AKT3: variants seen among roughly 807,000 people sequenced by gnomAD.
AKT3 encodes RAC-gamma serine/threonine-protein kinase.
A neutral mutation model predicts 65.3 loss-of-function variants in AKT3; 15 were observed. The ratio of observed to expected loss-of-function variants is 0.23; its 90% CI spans 0.15 to 0.35. The LOEUF is 0.35. Among genes scored for constraint, AKT3 ranks in the 10% least tolerant of loss-of-function variants. The probability of loss-of-function intolerance (pLI) is 1.00; values close to 1 mark genes in which losing one functional copy is unlikely to be tolerated. For missense variants in AKT3, 243 were observed against 576.5 expected (o/e 0.42, Z 5.92); for synonymous variants, 206 against 183.8 (o/e 1.12, Z -0.98).
intron 12 of AKT3, among the ~76,000 whole-genome samples, chr1:243,513,427 T>C (rs781660656): frequency 4.6e-5 from 7 of 152,220 alleles, no homozygotes; most frequent in South Asian, 2.1e-4. Flanking sequence ...GAAATCAGCA[T>C]GTTTTATAAA....
intron 5 of AKT3, among the ~76,000 whole-genome samples, chr1:243,642,429 C>G (rs1028441391): frequency 2.0e-5 from 3 of 152,244 alleles, no homozygotes; most frequent in Admixed American, 6.5e-5. Flanking sequence ...CCTGCCTCAG[C>G]CTCCCGAGTA....
At chr1:243,679,991 T>G (rs1683804489) in intron 3 of AKT3, among the ~76,000 whole-genome samples, 1 of 152,152 alleles carries the variant, frequency 6.6e-6, no homozygotes, top group Non-Finnish European at 1.5e-5. Flanking sequence ...GATTATTACA[T>G]GTTTATTTTT....
intron 3 of AKT3, among the ~76,000 whole-genome samples, chr1:243,667,922 T>C (rs1682910112): frequency 6.6e-6 from 1 of 152,092 alleles, no homozygotes; most frequent in Non-Finnish European, 1.5e-5. Flanking sequence ...CTAACATTCT[T>C]TCCCCCCTCA....
In AKT3 at chr1:243,623,238, C is replaced by G. The variant is rs371369807; in HGVS notation, c.562-8077G>C. Among the ~76,000 whole-genome samples the G allele has an allele frequency of 4.6e-5, 7 of 152,304 alleles. No individual in the cohort carries two copies. In the East Asian group the frequency reaches 1.2e-3, roughly 25 times the overall value. ...GCATCTCAGGGCAGTCATGAAGGTA[C>G]TGCTTGCCTATGTGACTGACTTCCA... On this transcript the variant is annotated intron_variant, in intron 6 of 13. Coordinates refer to ENST00000673466, the MANE Select transcript of AKT3 (RefSeq NM_005465.7).
At chr1:243,757,563 A>AGCCAAGATCGTGCCACTGCACTCC in intron 2 of AKT3, among the ~76,000 whole-genome samples, 1 of 151,658 alleles carries the variant, frequency 6.6e-6, no homozygotes, top group Non-Finnish European at 1.5e-5. Context: ...GGCTGCAGTG[A>AGCCAAGATCGTGCCACTGCACTCC]GCCAAGATCG....
chr1:243,799,033 C>T (rs1303460451), intron 2 of AKT3, among the ~76,000 whole-genome samples: 2 of 152,202 alleles, frequency 1.3e-5, no homozygotes, highest in African/African-American at 4.8e-5. Context: ...CTTTTCTGAG[C>T]TGACTGACAT....
At chr1:243,671,965 G>A (rs1683182835) in intron 3 of AKT3, among the ~76,000 whole-genome samples, 1 of 152,198 alleles carries the variant, frequency 6.6e-6, no homozygotes. Flanking sequence ...CCATAGGAAT[G>A]TCTGTTCCCT....
intron 4 of AKT3, among the ~76,000 whole-genome samples, chr1:243,657,028 T>C (rs1016210268): frequency 2.6e-5 from 4 of 152,132 alleles, no homozygotes; most frequent in African/African-American, 7.2e-5. Context: ...AGAGATAAAA[T>C]TGTTATTGTC....
intron 13 of AKT3, among the ~76,000 whole-genome samples, chr1:243,506,710 C>T (rs575952783): frequency 1.2e-4 from 18 of 152,354 alleles, no homozygotes; most frequent in Non-Finnish European, 2.1e-4. Context: ...GCATTTGTGG[C>T]TCCCTGCTCT....
chr1:243,516,535 A>C (rs1308490199), intron 12 of AKT3, among the ~76,000 whole-genome samples: 1 of 151,858 alleles, frequency 6.6e-6, no homozygotes, highest in Non-Finnish European at 1.5e-5. Flanking sequence ...ACTTGTTCTT[A>C]TTTTTCTAAT....
intron 12 of AKT3, among the ~76,000 whole-genome samples, chr1:243,537,624 A>G (rs374095287): frequency 3.9e-5 from 6 of 152,282 alleles, no homozygotes; most frequent in South Asian, 4.1e-4. Context: ...GCTCTTCTCC[A>G]TAAGAGTCTA....
At chr1:243,570,515 C>G (rs372535690) in intron 9 of AKT3, among the ~76,000 whole-genome samples, 1 of 152,136 alleles carries the variant, frequency 6.6e-6, no homozygotes, top group African/African-American at 2.4e-5. Context: ...GTGACAAGAA[C>G]ATTCAATAAG....
intron 2 of AKT3, among the ~76,000 whole-genome samples, chr1:243,713,872 C>T (rs1352624754): frequency 1.3e-5 from 2 of 149,440 alleles, no homozygotes; most frequent in Non-Finnish European, 3.0e-5. Flanking sequence ...CCTCCCTTAA[C>T]AAAGCCCTGT....
chr1:243,819,905 C>T (rs887773520), intron 2 of AKT3, among the ~76,000 whole-genome samples: 3 of 152,004 alleles, frequency 2.0e-5, no homozygotes, highest in South Asian at 2.1e-4. Flanking sequence ...AGCAGCCCTA[C>T]GGGAGAGGGG....
chr1:243,758,948 G>A lies in AKT3; in HGVS notation c.47-63232C>T, dbSNP rs181253514. Among the ~76,000 whole-genome samples, 4 of 152,262 alleles carry A rather than the reference G, an allele frequency of 2.6e-5. No individual in the cohort carries two copies. In the East Asian group the frequency reaches 5.8e-4, roughly 22 times the overall value. ...CTTTCGGCTTTTACTGATATGGGAC[G>A]CTACAGGAGGTTTCTGAGCAGAAGA... is the stretch of plus-strand genomic sequence containing the variant. On this transcript the variant is annotated intron_variant, in intron 2 of 13. Coordinates refer to ENST00000673466, the MANE Select transcript of AKT3 (RefSeq NM_005465.7).
intron 13 of AKT3, among the ~76,000 whole-genome samples, chr1:243,490,663 C>A (rs901287697): frequency 6.6e-6 from 1 of 152,252 alleles, no homozygotes; most frequent in East Asian, 1.9e-4. Flanking sequence ...AGGCGGGATG[C>A]CCCACGGGCC....
chr1:243,802,499 T>C (rs191204243), intron 2 of AKT3, among the ~76,000 whole-genome samples: 90 of 152,330 alleles, frequency 5.9e-4, no homozygotes, highest in Admixed American at 1.6e-3. Flanking sequence ...TACTGTAAAC[T>C]TTCCAGTCAT....
intron 12 of AKT3, among the ~76,000 whole-genome samples, chr1:243,519,850 G>A (rs920600105): frequency 6.6e-6 from 1 of 152,134 alleles, no homozygotes; most frequent in Non-Finnish European, 1.5e-5. Flanking sequence ...CACTGATATA[G>A]GTAAATTACC....
chr1:243,679,443 C>A (rs1683765588), intron 3 of AKT3, among the ~76,000 whole-genome samples: 1 of 152,120 alleles, frequency 6.6e-6, no homozygotes, highest in African/African-American at 2.4e-5. Context: ...AGTATTCATG[C>A]ATTAAAAATA....
Sources: allele counts gnomAD v4.1 joint callset (sites outside exome capture counted in the v4.1 genomes callset), GRCh38; gene constraint gnomAD v4.1.1; transcripts MANE v1.5; gene names NCBI Gene and HGNC (gene_info 2026-07-23, HGNC 2026-07-21).